Variants in CELSR1 observed in about 807,000 individuals in gnomAD.
The protein encoded by CELSR1 is cadherin EGF LAG seven-pass G-type receptor 1.
A neutral mutation model predicts 249.1 loss-of-function variants in CELSR1; 110 were observed. That is an observed-to-expected ratio of 0.44 (90% CI 0.38 to 0.52). The LOEUF is 0.52. Ranked by LOEUF, CELSR1 falls within the 20% of genes least tolerant of loss-of-function variation. The pLI is 0.00. For missense variants in CELSR1, 4,109 were observed against 4,296.4 expected, an observed-to-expected ratio of 0.96 and a Z score of 1.22; for synonymous variants, 2,113 against 1,900.0, an observed-to-expected ratio of 1.11 and a Z score of -2.92.
chr22:46,431,850 T>C (rs549548853), intron 5 of CELSR1, among the ~76,000 whole-genome samples: 3 of 152,348 alleles, frequency 2.0e-5, no homozygotes, highest in South Asian at 4.1e-4. Flanking sequence ...TGCTCAGCCC[T>C]GAGCCCCTCA....
intron 1 of CELSR1, among the ~76,000 whole-genome samples, chr22:46,485,338 G>A (rs569486174): frequency 1.1e-4 from 17 of 152,198 alleles, no homozygotes; most frequent in Non-Finnish European, 2.2e-4. Context: ...ACCTTGGCTC[G>A]GGTTCCTCTT....
At position 46,406,965 on chromosome 22, in the gene CELSR1, C is replaced by T. The variant is rs1384438332; in HGVS notation, c.5226+2031G>A. On this transcript the variant is annotated intron_variant, in intron 9 of 34. Coordinates refer to ENST00000674500, the MANE Select transcript of CELSR1 (RefSeq NM_001378328.1). This position sits in a 1 kb window ranked among gnomAD's most constrained non-coding sequence, Gnocchi z 5.4. ...AGCTGATGGCGGAGGACACGCAGCC[C>T]AGACGCCGCTTTGGGAGGGACTTCC... Among the ~76,000 whole-genome samples, 14 of 152,204 alleles carry T rather than the reference C, an allele frequency of 9.2e-5. No individual in the cohort carries two copies. Among genetic ancestry groups the T allele is most frequent in the Admixed American group, 9.2e-4 (14 of 15,288 alleles).
intron 2 of CELSR1, among the ~76,000 whole-genome samples, chr22:46,449,282 CCATTCATCCATCTATCCACCCATCACA>C (rs929483262): frequency 1.3e-5 from 2 of 150,400 alleles, no homozygotes; most frequent in African/African-American, 4.9e-5. Context: ...CAACTATCCA[CCATTCATCCATCTATCCACCCATCACA>C]CATCCATCCA....
chr22:46,462,408 G>A (rs1014587468), intron 2 of CELSR1, among the ~76,000 whole-genome samples: 1 of 151,050 alleles, frequency 6.6e-6, no homozygotes, highest in Admixed American at 6.7e-5. Context: ...AGAGAACCTT[G>A]GAAGCCATCC....
At chr22:46,467,618 C>T (rs537106128) in intron 1 of CELSR1, among the ~76,000 whole-genome samples, 1 of 151,682 alleles carries the variant, frequency 6.6e-6, no homozygotes, top group Non-Finnish European at 1.5e-5. Context: ...TTCAGGAGAT[C>T]GAGATCATCC....
intron 1 of CELSR1, among the ~76,000 whole-genome samples, chr22:46,515,986 G>A (rs973703026): frequency 6.6e-6 from 1 of 152,198 alleles, no homozygotes; most frequent in African/African-American, 2.4e-5. Context: ...TGGAGAAACA[G>A]GAACACTTTT....
chr22:46,400,253 TG>T (rs1162419204), intron 9 of CELSR1, among the ~76,000 whole-genome samples: 1 of 151,738 alleles, frequency 6.6e-6, no homozygotes, highest in Non-Finnish European at 1.5e-5. Flanking sequence ...TGCTTGAACC[TG>T]GGAGGTGGAG....
chr22:46,531,359 C>G (rs188209325), intron 1 of CELSR1, among the ~76,000 whole-genome samples: 217 of 152,204 alleles, frequency 1.4e-3, no homozygotes, highest in African/African-American at 5.1e-3. Context: ...GTGCTCGCCA[C>G]CACACCAGGC....
chr22:46,501,054 G>A (rs112791867), intron 1 of CELSR1, among the ~76,000 whole-genome samples: 4 of 151,132 alleles, frequency 2.6e-5, no homozygotes, highest in African/African-American at 4.9e-5. Context: ...TTTTTATTGA[G>A]ACAGAGTCTT....
chr22:46,404,582 T>C (rs1473842825), intron 9 of CELSR1, among the ~76,000 whole-genome samples: 1 of 152,170 alleles, frequency 6.6e-6, no homozygotes, highest in African/African-American at 2.4e-5. Flanking sequence ...CTTTTTGGTC[T>C]CTATTGATAG....
rs1385296882 is a variant in CELSR1 at position 46,413,372 on chromosome 22, G to A, written c.4612-1613C>T. Among the ~76,000 whole-genome samples the A allele has an allele frequency of 5.9e-5, 9 of 152,158 alleles. No individual in the cohort carries two copies. The highest frequency in any genetic ancestry group is 1.3e-4 in the Non-Finnish European group (9 of 68,024). The stretch of plus-strand genomic sequence containing the variant: ...CACGCCCTGCCTGGAGTTGTGCAGT[G>A]GGCAGCCTGCACAACTGTATGTGGC... On this transcript the variant is annotated intron_variant, in intron 5 of 34. Coordinates refer to ENST00000674500, the MANE Select transcript of CELSR1 (RefSeq NM_001378328.1). This position sits in a 1 kb window ranked among gnomAD's most constrained non-coding sequence, Gnocchi z 4.7.
chr22:46,451,929 C>T (rs1253582679), intron 2 of CELSR1, among the ~76,000 whole-genome samples: 1 of 152,134 alleles, frequency 6.6e-6, no homozygotes, highest in Non-Finnish European at 1.5e-5. Context: ...AGATGAGAAG[C>T]AAGGGGAAGG....
rs1341288520 is a variant in CELSR1, at chr22:46,536,899, C to A, written c.272G>T (p.Arg91Leu). The A allele has an allele frequency of 2.5e-6, 3 of 1,217,640 alleles. No individual in the cohort carries two copies. Among genetic ancestry groups the A allele is most frequent in the Non-Finnish European group, 2.1e-6 (2 of 974,670 alleles). 75.4% of individuals were successfully genotyped at this position (1,217,640 alleles called of 1,614,324 possible). A position where few individuals can be genotyped will look rare whatever the true frequency, so the allele number is the denominator to read the frequency against. The change falls in exon 1 of 35, where the codon CGC becomes CTC. Residue 91 changes from arginine to leucine, a missense_variant. Transcript: ENST00000674500. ...CGTCGGGGCACTGCGGGCCACCAAG[C>A]GGACTTGCAGCGGCAGCGGGCGCCC... The part of the protein sequence containing the change: ...GAGRPLPLQV[R>L]LVARSAPTAL...
intron 24 of CELSR1, among the ~76,000 whole-genome samples, chr22:46,376,539 T>C (rs1386992746): frequency 6.6e-6 from 1 of 152,114 alleles, no homozygotes; most frequent in Non-Finnish European, 1.5e-5. Flanking sequence ...CACGCCCAGC[T>C]AATTTTTGTA....
intron 1 of CELSR1, among the ~76,000 whole-genome samples, chr22:46,520,746 C>T (rs1023609708): frequency 6.6e-6 from 1 of 152,020 alleles, no homozygotes; most frequent in African/African-American, 2.4e-5. Context: ...ACAGGTGTGG[C>T]CCACTGTAAC....
rs1187268306 is a variant in CELSR1 at position 46,446,017 on chromosome 22, T to A, written c.4184-6606A>T. ...TGTCCCTTGCCTCGCGACAGCACAGTCCTCCACAACGCTGGCCTCACCATG... is the reference window on the plus strand; with the variant it reads ...TGTCCCTTGCCTCGCGACAGCACAGACCTCCACAACGCTGGCCTCACCATG... On this transcript the variant is annotated intron_variant, in intron 2 of 34. Coordinates refer to ENST00000674500, the MANE Select transcript of CELSR1 (RefSeq NM_001378328.1). This position sits in a 1 kb window ranked among gnomAD's most constrained non-coding sequence, Gnocchi z 5.5. 6.6e-6 allele frequency among the ~76,000 whole-genome samples: 1 copy of A among 151,956 alleles called. No homozygotes were observed. Among genetic ancestry groups the A allele is most frequent in the African/African-American group, 2.4e-5 (1 of 41,340 alleles).
At chr22:46,394,007 G>C (rs375361785) in intron 14 of CELSR1, 135 bp downstream of exon 14, 28 of 1,166,600 alleles carry the variant, frequency 2.4e-5, no homozygotes, top group East Asian at 2.4e-4. Flanking sequence ...AATGTGATGT[G>C]AGTGGGCACA....
In CELSR1 at chr22:46,388,267, T is replaced by G. The variant is rs1363298540; in HGVS notation, c.6555+1023A>C. Among the ~76,000 whole-genome samples the G allele has an allele frequency of 1.3e-5, 2 of 151,902 alleles. 1 individual carries two copies. The highest frequency in any genetic ancestry group is 2.9e-5 in the Non-Finnish European group (2 of 67,968). On this transcript the variant is annotated intron_variant, in intron 18 of 34. Transcript: ENST00000674500. ...GGGAGGCTGAGGCAGGAGAATTGCT[T>G]GAACCCGGGAGGTGGAGGTTGCAGT...
At chr22:46,515,884 A>G (rs1336074845) in intron 1 of CELSR1, among the ~76,000 whole-genome samples, 1 of 152,248 alleles carries the variant, frequency 6.6e-6, no homozygotes, top group Admixed American at 6.5e-5. Context: ...GTTCAGAGAA[A>G]TGCAAATCAA....
Sources: allele counts gnomAD v4.1 joint callset (sites outside exome capture counted in the v4.1 genomes callset), GRCh38; gene constraint gnomAD v4.1.1; non-coding constraint Gnocchi (gnomAD v3.1); transcripts MANE v1.5; gene names NCBI Gene and HGNC (gene_info 2026-07-23, HGNC 2026-07-21).